Variants in CRYBG1 observed in about 807,000 individuals in gnomAD.
The protein encoded by CRYBG1 is crystallin beta-gamma domain containing 1, also known as beta/gamma crystallin domain-containing protein 1.
CRYBG1 carries 139 observed loss-of-function variants against 189.2 expected under a neutral mutation model. The ratio of observed to expected loss-of-function variants is 0.73; its 90% CI spans 0.64 to 0.85. The LOEUF (loss-of-function observed/expected upper bound fraction) is 0.85. Ranked by LOEUF, CRYBG1 falls within the 40% of genes least tolerant of loss-of-function variation. The probability of loss-of-function intolerance (pLI) is 0.00; values close to 1 mark genes in which losing one functional copy is unlikely to be tolerated. For synonymous variants in CRYBG1, 1,023 were observed against 1,017.1 expected (o/e 1.01, Z -0.11); for missense variants, 2,611 against 2,675.8 (o/e 0.98, Z 0.53).
intron 1 of CRYBG1, among the ~76,000 whole-genome samples, chr6:106,382,520 G>A (rs114905524): frequency 0.016 from 2,368 of 152,174 alleles, 64 homozygotes; most frequent in African/African-American, 0.054. Flanking sequence ...TTGCTTTCTA[G>A]GTAAAGTTGG....
At chr6:106,550,980 TTAAG>T (rs1165286007) in intron 13 of CRYBG1, among the ~76,000 whole-genome samples, 1 of 152,198 alleles carries the variant, frequency 6.6e-6, no homozygotes, top group Non-Finnish European at 1.5e-5. Context: ...TTCTTTTGCA[TTAAG>T]TTTTTTTTCA....
intron 2 of CRYBG1, among the ~76,000 whole-genome samples, chr6:106,460,193 A>G (rs529281708): frequency 2.4e-4 from 36 of 151,266 alleles, no homozygotes; most frequent in Middle Eastern, 3.4e-3. Context: ...GGGTTTCACT[A>G]TGTTAGCCAG....
intron 1 of CRYBG1, among the ~76,000 whole-genome samples, chr6:106,367,368 C>G (rs1302427397): frequency 1.3e-5 from 2 of 151,388 alleles, no homozygotes; most frequent in African/African-American, 4.9e-5. Flanking sequence ...GTGGGCGGAT[C>G]ACAAGGTCAG....
intron 2 of CRYBG1, among the ~76,000 whole-genome samples, chr6:106,491,028 T>C (rs956326144): frequency 2.6e-5 from 4 of 152,260 alleles, no homozygotes; most frequent in African/African-American, 9.6e-5. Flanking sequence ...GAGAATTTCA[T>C]TGGTTTGTTT....
chr6:106,402,430 G>C (rs1770738977), intron 1 of CRYBG1, among the ~76,000 whole-genome samples: 1 of 70,872 alleles, frequency 1.4e-5, no homozygotes, highest in Non-Finnish European at 2.8e-5. Flanking sequence ...AAACAGCATG[G>C]TACTGGTACC....
Position 106,385,637 on chromosome 6 carries a change from G to A in CRYBG1, c.173+24556G>A, listed in dbSNP as rs1582733767. On this transcript the variant is annotated intron_variant, in intron 1 of 21. Coordinates refer to ENST00000633556, the MANE Select transcript of CRYBG1 (RefSeq NM_001371242.2). ...ACTATATCGCACAAAAACAAGAATT[G>A]TTGTTTCATTGTAAACGTCGGTAGA... 2.6e-5 allele frequency among the ~76,000 whole-genome samples: 4 copies of A among 152,296 alleles called. 1 individual carries two copies. Among genetic ancestry groups the A allele is most frequent in the Admixed American group, 2.6e-4 (4 of 15,292 alleles).
At chr6:106,478,708 G>A (rs1772384389) in intron 2 of CRYBG1, among the ~76,000 whole-genome samples, 3 of 152,310 alleles carry the variant, frequency 2.0e-5, no homozygotes, top group Non-Finnish European at 2.9e-5. Context: ...GGAGGTGAGC[G>A]ATGGGCATGC....
At chr6:106,386,795 T>C (rs1023673407) in intron 1 of CRYBG1, among the ~76,000 whole-genome samples, 1 of 152,192 alleles carries the variant, frequency 6.6e-6, no homozygotes, top group African/African-American at 2.4e-5. Flanking sequence ...GAAGCTTCGC[T>C]CACTTGCCTG....
chr6:106,469,885 C>T (rs957531327), intron 2 of CRYBG1, among the ~76,000 whole-genome samples: 2 of 152,200 alleles, frequency 1.3e-5, no homozygotes, highest in Admixed American at 1.3e-4. Context: ...CCCATGAAGA[C>T]TCAGTGTGAT....
At chr6:106,566,152 G>A (rs1050030605) in intron 21 of CRYBG1, among the ~76,000 whole-genome samples, 4 of 148,774 alleles carry the variant, frequency 2.7e-5, no homozygotes, top group African/African-American at 7.6e-5. Context: ...TGCTAGACAC[G>A]GAGGGCACCA....
chr6:106,524,896 T>C (rs986721704), intron 4 of CRYBG1, among the ~76,000 whole-genome samples: 2 of 152,212 alleles, frequency 1.3e-5, no homozygotes, highest in Non-Finnish European at 2.9e-5. Flanking sequence ...GGAAATAGCC[T>C]AGACATTTAA....
chr6:106,461,434 C>T (rs1469786464), intron 2 of CRYBG1, among the ~76,000 whole-genome samples: 2 of 152,170 alleles, frequency 1.3e-5, no homozygotes, highest in Non-Finnish European at 2.9e-5. Context: ...TGACATCATC[C>T]TCATAATAAA....
rs1257652062 is a variant in CRYBG1, at chr6:106,555,652, G to A, written c.5586-116G>A. On this transcript the variant is annotated intron_variant, in intron 16 of 21. Transcript: ENST00000633556. The stretch of plus-strand genomic sequence containing the variant: ...CAAATATTTTTGAAGAAAGAACTCT[G>A]TTTGCCAGAAGCATTGTGTTTATTT... 16 of 1,259,724 alleles carry A rather than the reference G, an allele frequency of 1.3e-5. No individual in the cohort carries two copies. The South Asian group carries it at 1.9e-4, about 15-fold the overall frequency. The allele number at this position is 1,259,724 out of a possible 1,614,324, so 78.0% of individuals were successfully genotyped here.
intron 1 of CRYBG1, among the ~76,000 whole-genome samples, chr6:106,441,044 G>A (rs1455594069): frequency 6.6e-6 from 1 of 152,176 alleles, no homozygotes; most frequent in East Asian, 1.9e-4. Context: ...TACAATCAGG[G>A]AAATCTTGGA....
chr6:106,509,160 C>A (rs1467314487), intron 2 of CRYBG1, among the ~76,000 whole-genome samples: 2 of 152,182 alleles, frequency 1.3e-5, no homozygotes, highest in African/African-American at 4.8e-5. Flanking sequence ...AGACACAGAG[C>A]TCTATGTCAG....
At chr6:106,416,267 T>C (rs1297901213) in intron 1 of CRYBG1, among the ~76,000 whole-genome samples, 1 of 152,214 alleles carries the variant, frequency 6.6e-6, no homozygotes, top group Non-Finnish European at 1.5e-5. Flanking sequence ...GTGATGAACA[T>C]GCATGGGGAG....
At chr6:106,365,055 A>G (rs1046944332) in intron 1 of CRYBG1, among the ~76,000 whole-genome samples, 9 of 152,020 alleles carry the variant, frequency 5.9e-5, no homozygotes, top group Non-Finnish European at 1.0e-4. Context: ...TATATAATGA[A>G]AGTGGTACTT....
chr6:106,555,042 G>T (rs188450834), intron 16 of CRYBG1, among the ~76,000 whole-genome samples: 9 of 152,088 alleles, frequency 5.9e-5, no homozygotes, highest in East Asian at 1.9e-4. Context: ...GCATGCACCT[G>T]TAGTCCCAGC....
intron 2 of CRYBG1, among the ~76,000 whole-genome samples, chr6:106,503,245 A>G (rs2114512257): frequency 6.6e-6 from 1 of 152,304 alleles, no homozygotes; most frequent in South Asian, 2.1e-4. Context: ...TCTACCTTCC[A>G]TCATAACTGG....
Sources: gnomAD v4.1 joint callset for allele counts (sites outside exome capture counted in the v4.1 genomes callset) on GRCh38, gnomAD v4.1.1 for gene constraint, MANE v1.5 for transcripts, NCBI Gene and HGNC (gene_info 2026-07-23, HGNC 2026-07-21) for gene names.